The following DNM2 variants were observed in gnomAD, a reference collection of about 807,000 sequenced individuals.
The protein encoded by DNM2 is dynamin 2.
DNM2 carries 15 observed loss-of-function variants against 99.0 expected under a neutral mutation model. The ratio of observed to expected loss-of-function variants is 0.15; its 90% CI spans 0.10 to 0.23. The LOEUF is 0.23. DNM2 is among the 10% of genes least tolerant of loss of function. The pLI is 1.00. For missense variants in DNM2, 742 were observed against 1,189.4 expected, an observed-to-expected ratio of 0.62 and a Z score of 5.53; for synonymous variants, 525 against 481.2, an observed-to-expected ratio of 1.09 and a Z score of -1.19.
At chr19:10,808,737 A>G (rs1033571065) in intron 14 of DNM2, 157 bp downstream of exon 14, 1 of 854,038 alleles carries the variant, frequency 1.2e-6, no homozygotes, top group African/African-American at 1.7e-5. Flanking sequence ...CCGGCGCTGG[A>G]CTGCACGTTG....
chr19:10,740,606 C>A (rs942179512), intron 1 of DNM2, among the ~76,000 whole-genome samples: 3 of 152,278 alleles, frequency 2.0e-5, no homozygotes, highest in African/African-American at 7.2e-5. Flanking sequence ...AAACTCCTGA[C>A]CTCAGGTGAT....
chr19:10,729,340 A>G (rs1375712375), intron 1 of DNM2, among the ~76,000 whole-genome samples: 1 of 152,014 alleles, frequency 6.6e-6, no homozygotes, highest in African/African-American at 2.4e-5. Context: ...CCTGGGCAAC[A>G]AGAGCGAAAC....
intron 1 of DNM2, among the ~76,000 whole-genome samples, chr19:10,750,900 CA>C (rs112088041): frequency 0.11 from 15,367 of 141,410 alleles, 1,207 homozygotes; most frequent in East Asian, 0.38. Flanking sequence ...GACTCCATCT[CA>C]AAAAAAAAAA....
chr19:10,778,733 C>T (rs1333268571), intron 5 of DNM2, among the ~76,000 whole-genome samples: 5 of 152,036 alleles, frequency 3.3e-5, no homozygotes, highest in African/African-American at 9.7e-5. Flanking sequence ...AATACTTCCC[C>T]TTGCCATCCC....
chr19:10,744,881 G>A (rs928553310), intron 1 of DNM2, among the ~76,000 whole-genome samples: 2 of 152,080 alleles, frequency 1.3e-5, no homozygotes, highest in African/African-American at 4.8e-5. Context: ...TAGGAGGGCG[G>A]AGTTGTGAGC....
intron 15 of DNM2, among the ~76,000 whole-genome samples, chr19:10,819,380 A>C (rs1028598199): frequency 1.3e-5 from 2 of 152,184 alleles, no homozygotes; most frequent in Non-Finnish European, 2.9e-5. Flanking sequence ...TCTCTGCCTC[A>C]GTCTTCCCCT....
intron 1 of DNM2, among the ~76,000 whole-genome samples, chr19:10,758,669 C>T (rs2070509758): frequency 6.6e-6 from 1 of 151,206 alleles, no homozygotes; most frequent in African/African-American, 2.4e-5. Flanking sequence ...GCCTCAGCCT[C>T]CTGAGTAGCT....
Position 10,816,952 on chromosome 19 carries a change from C to T in DNM2, c.1672-3028C>T, listed in dbSNP as rs373401171. 6.6e-6 allele frequency among the ~76,000 whole-genome samples: 1 copy of T among 152,142 alleles called. No individual in the cohort carries two copies. The highest frequency in any genetic ancestry group is 6.5e-5 in the Admixed American group (1 of 15,278). On this transcript the variant is annotated intron_variant, in intron 15 of 20. Coordinates refer to ENST00000389253, the MANE Select transcript of DNM2 (RefSeq NM_001005361.3). The surrounding 1 kb of genome is among the most constrained non-coding windows in gnomAD (Gnocchi z 4.6). ...GAGCAGCAGTGGGAGAAGGGCCGGGCGCCGGCCGTAATGAGAAACAGCCGA... is the reference window on the plus strand; with the variant it reads ...GAGCAGCAGTGGGAGAAGGGCCGGGTGCCGGCCGTAATGAGAAACAGCCGA...
At chr19:10,756,581 C>T (rs531441285) in intron 1 of DNM2, among the ~76,000 whole-genome samples, 4 of 152,268 alleles carry the variant, frequency 2.6e-5, no homozygotes, top group South Asian at 2.1e-4. Context: ...GCAGGTCCCT[C>T]GGGCTCTTTG....
intron 1 of DNM2, among the ~76,000 whole-genome samples, chr19:10,720,488 C>T (rs1352180103): frequency 6.6e-6 from 1 of 152,086 alleles, no homozygotes; most frequent in African/African-American, 2.4e-5. Context: ...GCTGGGATTA[C>T]AGGTGTGAGC....
At chr19:10,757,314 C>G (rs2070426099) in intron 1 of DNM2, among the ~76,000 whole-genome samples, 1 of 152,192 alleles carries the variant, frequency 6.6e-6, no homozygotes. Context: ...TGGGACAGCC[C>G]CCCGGCTGAC....
chr19:10,801,678 G>A (rs1228043385), intron 11 of DNM2, among the ~76,000 whole-genome samples: 1 of 150,840 alleles, frequency 6.6e-6, no homozygotes, highest in Non-Finnish European at 1.5e-5. Flanking sequence ...AGGCCGAGGC[G>A]GGCGGATCAT....
Position 10,817,830 on chromosome 19 carries a change from CGCGT to C in DNM2, c.1672-2143_1672-2140del, listed in dbSNP as rs763435433. 8.8e-5 allele frequency among the ~76,000 whole-genome samples: 13 copies of C among 147,302 alleles called. No individual in the cohort carries two copies. Among genetic ancestry groups the C allele is most frequent in the Non-Finnish European group, 1.7e-4 (11 of 66,266 alleles). On this transcript the variant is annotated intron_variant, in intron 15 of 20. Transcript: ENST00000389253. The surrounding 1 kb of genome is among the most constrained non-coding windows in gnomAD (Gnocchi z 4.6). ...GTGTGTGTGTGTGCGCGCGCGCGCACGCGTGCGTGCCGGCAGCACCAGGAAGGCG... is the reference window on the plus strand; with the variant it reads ...GTGTGTGTGTGTGCGCGCGCGCGCACGCGTGCCGGCAGCACCAGGAAGGCG...
chr19:10,821,150 G>T (rs2072955907), intron 16 of DNM2, among the ~76,000 whole-genome samples: 1 of 152,034 alleles, frequency 6.6e-6, no homozygotes, highest in Non-Finnish European at 1.5e-5. Flanking sequence ...GTTCCCTCCT[G>T]CTTTGCTCTG....
chr19:10,740,152 T>C (rs1249152993), intron 1 of DNM2, among the ~76,000 whole-genome samples: 1 of 152,112 alleles, frequency 6.6e-6, no homozygotes, highest in Non-Finnish European at 1.5e-5. Flanking sequence ...TTGAGTCTTA[T>C]CTCTTTTTCT....
Position 10,796,235 on chromosome 19 carries a change from T to TG in DNM2, c.1196+798dup. On this transcript the variant is annotated intron_variant, in intron 9 of 20. Coordinates refer to ENST00000389253, the MANE Select transcript of DNM2 (RefSeq NM_001005361.3). This position sits in a 1 kb window ranked among gnomAD's most constrained non-coding sequence, Gnocchi z 5.6. ...CTCGGCAGGGTGACTCCTGACCTTG[T>TG]GGAAACGGGGGTACGGGGGTTTGGT... 2 of 1,613,546 alleles carry TG rather than the reference T, an allele frequency of 1.2e-6. No homozygotes were observed. Among genetic ancestry groups the TG allele is most frequent in the Non-Finnish European group, 1.7e-6 (2 of 1,179,966 alleles).
In DNM2 at chr19:10,830,952, C is replaced by T; in HGVS notation, c.2544-26C>T. The T allele has an allele frequency of 6.2e-7, 1 of 1,605,682 alleles. No homozygotes were observed. Among genetic ancestry groups the T allele is most frequent in the Non-Finnish European group, 8.5e-7 (1 of 1,176,022 alleles). Reference sequence around the variant, plus strand: ...CCGGCCTCACTGCCGTCTCCCCCTCCCCACCTGTCTTTATTCTCTTTGCAG... The same window carrying T: ...CCGGCCTCACTGCCGTCTCCCCCTCTCCACCTGTCTTTATTCTCTTTGCAG... On this transcript the variant is annotated intron_variant, in intron 20 of 20. Transcript: ENST00000389253. The surrounding 1 kb of genome is among the most constrained non-coding windows in gnomAD (Gnocchi z 4.8).
At chr19:10,822,863 T>C (rs960853301) in intron 16 of DNM2, among the ~76,000 whole-genome samples, 19 of 151,008 alleles carry the variant, frequency 1.3e-4, no homozygotes, top group African/African-American at 4.4e-4. Context: ...TCCCAGCACT[T>C]TGGGAGGCCG....
intron 5 of DNM2, chr19:10,780,411 A>C (rs1419107151): frequency 6.6e-6 from 1 of 152,374 alleles, no homozygotes; most frequent in Non-Finnish European, 1.5e-5. Flanking sequence ...TGTGGGCACT[A>C]GCCAGGCTGA....
Sources: allele counts gnomAD v4.1 joint callset (sites outside exome capture counted in the v4.1 genomes callset), GRCh38; gene constraint gnomAD v4.1.1; non-coding constraint Gnocchi (gnomAD v3.1); transcripts MANE v1.5; gene names NCBI Gene and HGNC (gene_info 2026-07-23, HGNC 2026-07-21).